NAA16: variants seen among roughly 807,000 people sequenced by gnomAD.
NAA16 encodes N-alpha-acetyltransferase 16, NatA auxiliary subunit.
Under a neutral mutation model 110.3 loss-of-function variants are expected in NAA16, and 97 were observed. The ratio of observed to expected loss-of-function variants is 0.88; its 90% CI spans 0.75 to 1.04. The LOEUF (loss-of-function observed/expected upper bound fraction) is 1.04, where lower values mean the gene tolerates loss of function less well. Among genes scored for constraint, NAA16 ranks in the 50% least tolerant of loss-of-function variants. NAA16 has a pLI of 0.00. For synonymous variants in NAA16, 372 were observed against 330.6 expected (o/e 1.13, Z -1.36); for missense variants, 1,017 against 1,005.1 (o/e 1.01, Z -0.16).
chr13:41,373,482 T>C, intron 17 of NAA16, 155 bp from the exon 18 acceptor site: 1 of 618,508 alleles, frequency 1.6e-6, no homozygotes, highest in Non-Finnish European at 2.0e-6. Context: ...GGTCTCAAAC[T>C]CCTGACCTCA....
chr13:41,331,364 T>C lies in NAA16; in HGVS notation c.902T>C (p.Val301Ala), dbSNP rs761290419. ...CCCAGAAGATTACCTTTGACTCTTG[T>C]CCCAGGTAATATTAAGATGTCTTTT... The part of the protein sequence containing the change: ...ITPRRLPLTL[V>A]PGERFRELMD... The change falls in exon 8 of 20, where the codon GTC becomes GCC. Residue 301 changes from valine (V) to alanine (A), a missense_variant. Val to Ala is a moderately conservative substitution (Grantham distance 64). Coordinates refer to ENST00000379406, the MANE Select transcript of NAA16 (RefSeq NM_024561.5). 3 of 1,581,952 alleles carry C rather than the reference T, an allele frequency of 1.9e-6. No individual in the cohort carries two copies. The highest frequency in any genetic ancestry group is 3.4e-5 in the Admixed American group (2 of 59,186).
chr13:41,340,596 C>T (rs1447472174), intron 9 of NAA16, among the ~76,000 whole-genome samples: 1 of 136,686 alleles, frequency 7.3e-6, no homozygotes, highest in African/African-American at 2.7e-5. Flanking sequence ...ACCCAGTAGT[C>T]ATTCAGGAGC....
chr13:41,331,382 T>A lies in NAA16; in HGVS notation c.907+13T>A, dbSNP rs772639852. ...ACTCTTGTCCCAGGTAATATTAAGA[T>A]GTCTTTTATAATATTAATTATTTGT... On this transcript the variant is annotated intron_variant, in intron 8 of 19. Transcript: ENST00000379406. 1 of 1,483,318 alleles carries A rather than the reference T, an allele frequency of 6.7e-7. No individual in the cohort carries two copies. Among genetic ancestry groups the A allele is most frequent in the Non-Finnish European group, 9.3e-7 (1 of 1,070,314 alleles). The allele number at this position is 1,483,318 out of a possible 1,614,324, so 91.9% of individuals were successfully genotyped here. A position where few individuals can be genotyped will look rare whatever the true frequency, so the allele number is the denominator to read the frequency against.
In NAA16 at chr13:41,328,761, C is replaced by T. The variant is rs765786604; in HGVS notation, c.729C>T (p.Ala243=). The change falls in exon 7 of 20, where the codon GCC becomes GCT. Residue 243 remains alanine (A), a synonymous_variant. Transcript: ENST00000379406. ...ILLKLGRLKE[A]SEVFKNLIDR... ...TGAAATTGGGAAGATTAAAAGAAGC[C>T]AGTGAAGTGTTCAAAAACTTGATTG... is the stretch of plus-strand genomic sequence containing the variant. 1 of 1,608,246 alleles carries T rather than the reference C, an allele frequency of 6.2e-7. No homozygotes were observed. The highest frequency in any genetic ancestry group is 1.1e-5 in the South Asian group (1 of 90,686).
intron 9 of NAA16, among the ~76,000 whole-genome samples, chr13:41,352,469 A>G (rs1221440748): frequency 6.6e-6 from 1 of 152,008 alleles, no homozygotes; most frequent in Non-Finnish European, 1.5e-5. Flanking sequence ...AGCCTGGCCA[A>G]CATGACGAAA....
Position 41,358,405 on chromosome 13 carries a change from A to G in NAA16, c.1189A>G (p.Ile397Val), listed in dbSNP as rs777565317. 6 of 1,613,358 alleles carry G rather than the reference A, an allele frequency of 3.7e-6. No individual in the cohort carries two copies. The Admixed American group carries it at 6.7e-5, about 18-fold the overall frequency. The change falls in exon 11 of 20, where the codon ATT becomes GTT. Residue 397 changes from isoleucine (I) to valine (V), a missense_variant. Ile to Val is a conservative substitution (Grantham distance 29). Transcript: ENST00000379406. ...LGQYSLALDY[I>V]NAAIASTPTL... ...ACAGTATTCTTTGGCTTTGGATTAT[A>G]TTAATGCTGCAATTGCTAGTACTCC...
chr13:41,343,109 A>G (rs939683758), intron 9 of NAA16, among the ~76,000 whole-genome samples: 1 of 152,224 alleles, frequency 6.6e-6, no homozygotes, highest in South Asian at 2.1e-4. Flanking sequence ...TATTTATTTT[A>G]TAAATAAGTG....
At chr13:41,343,280 G>C (rs916226712) in intron 9 of NAA16, among the ~76,000 whole-genome samples, 19 of 152,132 alleles carry the variant, frequency 1.2e-4, no homozygotes, top group African/African-American at 4.6e-4. Flanking sequence ...TGTAGAGATG[G>C]GGTCTTGCTG....
At chr13:41,368,427 A>G (rs1473624055) in intron 14 of NAA16, among the ~76,000 whole-genome samples, 1 of 152,120 alleles carries the variant, frequency 6.6e-6, no homozygotes, top group Non-Finnish European at 1.5e-5. Flanking sequence ...GCCTGGAGTC[A>G]TATATTGTGT....
At chr13:41,350,304 T>G (rs1593486499) in intron 9 of NAA16, among the ~76,000 whole-genome samples, 2 of 151,648 alleles carry the variant, frequency 1.3e-5, no homozygotes, top group South Asian at 4.2e-4. Context: ...TTTGTTTTTT[T>G]TTTTTTTGAG....
chr13:41,348,110 A>T (rs544592121), intron 9 of NAA16, among the ~76,000 whole-genome samples: 103 of 151,890 alleles, frequency 6.8e-4, no homozygotes, highest in East Asian at 1.5e-3. Context: ...GTTTTTTTTT[A>T]AAAAAAATCT....
At chr13:41,357,612 T>C (rs1423192024) in intron 10 of NAA16, among the ~76,000 whole-genome samples, 1 of 152,222 alleles carries the variant, frequency 6.6e-6, no homozygotes, top group East Asian at 1.9e-4. Context: ...TCTTTCCTCC[T>C]CATTTTTACA....
At chr13:41,340,919 G>A (rs1007184330) in intron 9 of NAA16, among the ~76,000 whole-genome samples, 8 of 151,750 alleles carry the variant, frequency 5.3e-5, no homozygotes, top group Admixed American at 3.3e-4. Context: ...CACCCGCCTC[G>A]GCCTCCCAAA....
chr13:41,332,711 A>T (rs948617061), intron 8 of NAA16, among the ~76,000 whole-genome samples: 2 of 152,160 alleles, frequency 1.3e-5, no homozygotes, highest in African/African-American at 2.4e-5. Flanking sequence ...TTTATTTTCT[A>T]TTCTCATAGT....
chr13:41,365,173 A>G (rs751791977), intron 13 of NAA16, among the ~76,000 whole-genome samples: 1 of 152,158 alleles, frequency 6.6e-6, no homozygotes, highest in Non-Finnish European at 1.5e-5. Context: ...GGTGTTGTGT[A>G]GCATATTTTT....
chr13:41,362,508 C>T, intron 13 of NAA16: 1 of 364,018 alleles, frequency 2.7e-6, no homozygotes, highest in Non-Finnish European at 5.2e-6. Flanking sequence ...AACCTCTTTC[C>T]CCTTTAAAAC....
Position 41,322,017 on chromosome 13 carries a change from C to T in NAA16, c.403-1039C>T, listed in dbSNP as rs149238931. 3.8e-3 allele frequency among the ~76,000 whole-genome samples: 583 copies of T among 152,228 alleles called. 2 individuals carry two copies. The highest frequency in any genetic ancestry group is 0.013 in the African/African-American group (552 of 41,508). ...TGTGGTTGGAGTTAAAATCAGTTAT[C>T]TTTAGGAATGAGGCATAGAAATTAA... On this transcript the variant is annotated intron_variant, in intron 4 of 19. Transcript: ENST00000379406.
intron 1 of NAA16, among the ~76,000 whole-genome samples, chr13:41,313,363 C>T (rs372541283): frequency 4.7e-4 from 71 of 152,254 alleles, no homozygotes; most frequent in African/African-American, 1.5e-3. Context: ...CTCAGCCAAG[C>T]TAAACATTTT....
intron 1 of NAA16, among the ~76,000 whole-genome samples, chr13:41,314,627 C>T (rs2139360163): frequency 6.6e-6 from 1 of 152,256 alleles, no homozygotes; most frequent in Non-Finnish European, 1.5e-5. Flanking sequence ...TGGCATTTTG[C>T]TTTGAACTTA....
Sources: allele counts gnomAD v4.1 joint callset (sites outside exome capture counted in the v4.1 genomes callset), GRCh38; gene constraint gnomAD v4.1.1; transcripts MANE v1.5; gene names NCBI Gene and HGNC (gene_info 2026-07-23, HGNC 2026-07-21).